Variants in HELQ observed in about 807,000 individuals in gnomAD.
HELQ encodes the protein helicase, POLQ like, also known as helicase POLQ-like.
In HELQ, 77 loss-of-function variants were observed where a neutral mutation model predicts 111.6. The ratio of observed to expected loss-of-function variants is 0.69; its 90% CI spans 0.57 to 0.83. The LOEUF is 0.83. Ranked by LOEUF, HELQ falls within the 40% of genes least tolerant of loss-of-function variation. The pLI is 0.00. For missense variants in HELQ, 1,200 were observed against 1,288.5 expected (o/e 0.93, Z 1.05); for synonymous variants, 438 against 454.7 (o/e 0.96, Z 0.47).
At chr4:83,450,222 T>TAAAAAA (rs71668650) in intron 2 of HELQ, among the ~76,000 whole-genome samples, 527 of 45,558 alleles carry the variant, frequency 0.012, 103 homozygotes, top group Middle Eastern at 0.031. Flanking sequence ...CAGTTAAGTT[T>TAAAAAA]AAAAAAAAAA....
rs1044084988 is a variant in HELQ, at chr4:83,429,432, A to C, written c.2518+92T>G. 1.8e-5 allele frequency: 17 copies of C among 940,572 alleles called. No homozygotes were observed. The Admixed American group carries it at 1.9e-4, about 11-fold the overall frequency. 58.3% of individuals were successfully genotyped at this position (940,572 alleles called of 1,614,324 possible). A position where few individuals can be genotyped will look rare whatever the true frequency, so the allele number is the denominator to read the frequency against. The stretch of plus-strand genomic sequence containing the variant: ...CCAGAGTGTTGGGATTACAGGCGTG[A>C]GCCACTGTGCCCAGCTTAAAGAAAG... On this transcript the variant is annotated intron_variant, in intron 12 of 17. Transcript: ENST00000295488.
chr4:83,417,184 T>C (rs1233868539), intron 16 of HELQ, among the ~76,000 whole-genome samples: 13 of 151,792 alleles, frequency 8.6e-5, no homozygotes, highest in Non-Finnish European at 5.9e-5. Flanking sequence ...TCTTTCTTTC[T>C]TTCTTCTTTT....
At chr4:83,432,075 C>T in intron 10 of HELQ, 51 bp downstream of exon 10, 2 of 1,301,198 alleles carry the variant, frequency 1.5e-6, no homozygotes, top group Non-Finnish European at 2.1e-6. Flanking sequence ...AGGGCTAGAC[C>T]AACAACCAAG....
chr4:83,441,250 T>C (rs1309192313), intron 7 of HELQ, 55 bp downstream of exon 7: 10 of 953,816 alleles, frequency 1.0e-5, no homozygotes, highest in Admixed American at 2.1e-5. Context: ...GAAACTCTTG[T>C]TGTGCCCCAG....
intron 17 of HELQ, among the ~76,000 whole-genome samples, chr4:83,413,370 G>A (rs1739202079): frequency 6.6e-6 from 1 of 152,098 alleles, no homozygotes; most frequent in African/African-American, 2.4e-5. Flanking sequence ...CCTCACATTT[G>A]GTCACAGAAA....
chr4:83,445,997 T>C lies in HELQ; in HGVS notation c.1465+17A>G. ...GATTATAAATCAATTCATGACCTCA[T>C]TTGAAAAAATACTTACTGCTAGTGT... is the stretch of plus-strand genomic sequence containing the variant. On this transcript the variant is annotated intron_variant, in intron 5 of 17. Coordinates refer to ENST00000295488, the MANE Select transcript of HELQ (RefSeq NM_133636.5). 1 of 1,516,364 alleles carries C rather than the reference T, an allele frequency of 6.6e-7. No individual in the cohort carries two copies. The highest frequency in any genetic ancestry group is 9.2e-7 in the Non-Finnish European group (1 of 1,092,200). 93.9% of individuals were successfully genotyped at this position (1,516,364 alleles called of 1,614,324 possible). A position where few individuals can be genotyped will look rare whatever the true frequency, so the allele number is the denominator to read the frequency against.
chr4:83,439,386 G>A (rs1301954277), intron 8 of HELQ, among the ~76,000 whole-genome samples: 3 of 136,552 alleles, frequency 2.2e-5, no homozygotes, highest in Non-Finnish European at 3.1e-5. Flanking sequence ...TTTTGATGGA[G>A]TCTCGCTGTG....
intron 1 of HELQ, 104 bp from the exon 2 acceptor site, chr4:83,454,049 C>CA (rs772732940): frequency 2.5e-4 from 183 of 734,848 alleles, no homozygotes; most frequent in Admixed American, 5.2e-4. Context: ...ACAGAAAATA[C>CA]AAAAATTAGC....
intron 1 of HELQ, among the ~76,000 whole-genome samples, chr4:83,454,845 C>T (rs1310870167): frequency 1.3e-5 from 2 of 152,188 alleles, no homozygotes; most frequent in African/African-American, 2.4e-5. Context: ...CTACAATCTA[C>T]AGTGACTGGC....
At chr4:83,408,250 C>A (rs562677402) in intron 17 of HELQ, among the ~76,000 whole-genome samples, 143 of 152,200 alleles carry the variant, frequency 9.4e-4, no homozygotes, top group Non-Finnish European at 1.5e-3. Context: ...CGCTCCCCCC[C>A]ACCCGCCTTT....
At chr4:83,437,138 T>C (rs1255183436) in intron 8 of HELQ, 41 bp from the exon 9 acceptor site, 4 of 1,580,266 alleles carry the variant, frequency 2.5e-6, no homozygotes, top group Non-Finnish European at 3.4e-6. Context: ...CCTTGATCTT[T>C]TAGTGACAAA....
At position 83,429,756 on chromosome 4, in the gene HELQ, T is replaced by C; in HGVS notation, c.2296-10A>G. 2 of 1,569,514 alleles carry C rather than the reference T, an allele frequency of 1.3e-6. No individual in the cohort carries two copies. The highest frequency in any genetic ancestry group is 8.7e-7 in the Non-Finnish European group (1 of 1,143,050). On this transcript the variant is annotated splice_polypyrimidine_tract_variant and intron_variant, in intron 11 of 17. Coordinates refer to ENST00000295488, the MANE Select transcript of HELQ (RefSeq NM_133636.5). ...CAAGATTCGTTGCAATCTGAAACAA[T>C]TCAGGATATCATTGGAGCATTTTCC...
chr4:83,409,898 A>G (rs879748643), intron 17 of HELQ, among the ~76,000 whole-genome samples: 4 of 150,548 alleles, frequency 2.7e-5, no homozygotes, highest in Non-Finnish European at 6.0e-5. Context: ...AGATTTAAAT[A>G]AAAAACCTAA....
At chr4:83,424,918 T>C (rs1440593566) in intron 14 of HELQ, among the ~76,000 whole-genome samples, 1 of 152,158 alleles carries the variant, frequency 6.6e-6, no homozygotes, top group Non-Finnish European at 1.5e-5. Context: ...TAAGTGTATG[T>C]AAACATCATC....
At chr4:83,450,110 G>A (rs189824742) in intron 2 of HELQ, among the ~76,000 whole-genome samples, 36 of 151,296 alleles carry the variant, frequency 2.4e-4, no homozygotes, top group African/African-American at 8.7e-4. Context: ...AAAGTGCCAT[G>A]GTGGTGGGGG....
chr4:83,448,371 CATT>C (rs1437928411), intron 3 of HELQ, among the ~76,000 whole-genome samples: 2 of 152,180 alleles, frequency 1.3e-5, no homozygotes, highest in East Asian at 1.9e-4. Flanking sequence ...AATTCTCCAT[CATT>C]AAGAGGTACT....
intron 12 of HELQ, among the ~76,000 whole-genome samples, chr4:83,428,790 GAA>G (rs1295205076): frequency 6.6e-6 from 1 of 151,490 alleles, no homozygotes; most frequent in Admixed American, 6.6e-5. Flanking sequence ...TTTAAAAAAA[GAA>G]AAAAAATTTT....
intron 4 of HELQ, among the ~76,000 whole-genome samples, chr4:83,446,464 G>A (rs1038551688): frequency 4.6e-5 from 7 of 151,528 alleles, no homozygotes; most frequent in South Asian, 4.2e-4. Flanking sequence ...CCACCACCAC[G>A]CCCGGCTAAT....
intron 12 of HELQ, 64 bp downstream of exon 12, chr4:83,429,460 T>C: frequency 2.5e-6 from 3 of 1,218,112 alleles, no homozygotes; most frequent in South Asian, 2.7e-5. Context: ...AAAGAAAGTA[T>C]AATTTAATTT....
Sources: gnomAD v4.1 joint callset for allele counts (sites outside exome capture counted in the v4.1 genomes callset) on GRCh38, gnomAD v4.1.1 for gene constraint, MANE v1.5 for transcripts, NCBI Gene and HGNC (gene_info 2026-07-23, HGNC 2026-07-21) for gene names.